CFAP47: variants seen among roughly 807,000 people sequenced by gnomAD.
CFAP47 encodes cilia- and flagella-associated protein 47.
Under a neutral mutation model 148.1 loss-of-function variants are expected in CFAP47, and 29 were observed. The observed-to-expected ratio is 0.20, with a 90% CI of 0.15 to 0.27. CFAP47 has a LOEUF of 0.27. Among genes scored for constraint, CFAP47 ranks in the 10% least tolerant of loss-of-function variants. The pLI, the probability that CFAP47 is intolerant of heterozygous loss-of-function variation, is 1.00. For synonymous variants in CFAP47, 664 were observed against 577.3 expected, an observed-to-expected ratio of 1.15 and a Z score of -2.15; for missense variants, 1,872 against 1,697.5, an observed-to-expected ratio of 1.10 and a Z score of -1.81.
chrX:36,162,004 ATGAC>A (rs1939437186), intron 39 of CFAP47, among the ~76,000 whole-genome samples: 1 of 112,292 alleles, frequency 8.9e-6, no homozygotes, highest in African/African-American at 3.2e-5. Flanking sequence ...AGTAGACCAA[ATGAC>A]TGACTGCAGT....
chrX:36,060,503 C>T (rs151315245), intron 26 of CFAP47, among the ~76,000 whole-genome samples: 2 of 111,635 alleles, frequency 1.8e-5, no homozygotes, highest in East Asian at 5.7e-4. Flanking sequence ...AGGCATACTA[C>T]CAATGAGATG....
chrX:36,216,103 A>G (rs1555990144), intron 45 of CFAP47, among the ~76,000 whole-genome samples: 1 of 111,747 alleles, frequency 8.9e-6, no homozygotes. Context: ...GCGGTCAGAC[A>G]CTCAGCAGGA....
chrX:36,134,375 G>T (rs1359924834), intron 33 of CFAP47, among the ~76,000 whole-genome samples: 1 of 111,195 alleles, frequency 9.0e-6, no homozygotes, highest in African/African-American at 3.3e-5. Context: ...AAAGGCGGAA[G>T]AAATTCTGAA....
At chrX:36,199,680 T>C (rs1555987694) in intron 42 of CFAP47, among the ~76,000 whole-genome samples, 1 of 111,643 alleles carries the variant, frequency 9.0e-6, no homozygotes, top group Non-Finnish European at 1.9e-5. Context: ...GGCTATACAT[T>C]GTTTGAACTA....
intron 2 of CFAP47, among the ~76,000 whole-genome samples, chrX:35,927,488 T>G (rs954767775): frequency 9.0e-6 from 1 of 111,042 alleles, no homozygotes; most frequent in African/African-American, 3.3e-5. Context: ...ATTTTTTTCT[T>G]GTTTCCAGAG....
intron 57 of CFAP47, among the ~76,000 whole-genome samples, chrX:36,347,034 A>C (rs1334471953): frequency 8.0e-5 from 9 of 112,199 alleles, no homozygotes; most frequent in African/African-American, 2.9e-4. Context: ...TTTGCAATCT[A>C]TCCATCTGAC....
In CFAP47 at chrX:35,974,263, G is replaced by A. The variant is rs778913326; in HGVS notation, c.2255-884G>A. ...GGCATCTGGGCTGACTGTGAGTTAG[G>A]AGAACAAGTGAAAACTCCTTTTTAA... is the stretch of plus-strand genomic sequence containing the variant. On this transcript the variant is annotated intron_variant, in intron 13 of 63. Transcript: ENST00000378653. 2.7e-5 allele frequency among the ~76,000 whole-genome samples: 3 copies of A among 111,880 alleles called. No individual in the cohort carries two copies. The Admixed American group carries it at 2.8e-4, about 11-fold the overall frequency.
At chrX:36,123,095 T>C (rs1444874292) in intron 33 of CFAP47, among the ~76,000 whole-genome samples, 1 of 112,046 alleles carries the variant, frequency 8.9e-6, no homozygotes, top group African/African-American at 3.2e-5. Flanking sequence ...TCCAGAGGAA[T>C]TTTCTGGATT....
chrX:36,040,602 T>G (rs1937392009), intron 25 of CFAP47, among the ~76,000 whole-genome samples: 1 of 111,306 alleles, frequency 9.0e-6, no homozygotes, highest in Non-Finnish European at 1.9e-5. Context: ...TAGACTATGT[T>G]CTCCAAAAAT....
At chrX:36,009,237 T>C (rs1937013247) in intron 21 of CFAP47, among the ~76,000 whole-genome samples, 1 of 110,885 alleles carries the variant, frequency 9.0e-6, no homozygotes, top group Non-Finnish European at 1.9e-5. Context: ...GTCCATATTA[T>C]TAATATATAA....
intron 61 of CFAP47, among the ~76,000 whole-genome samples, chrX:36,362,068 A>G (rs1010189388): frequency 8.9e-6 from 1 of 112,191 alleles, no homozygotes; most frequent in African/African-American, 3.2e-5. Context: ...CAAACACTAT[A>G]TGATATTTCA....
rs1940297338 is a variant in CFAP47 at position 36,228,503 on chromosome X, T to G, written c.6818-125T>G. The G allele has an allele frequency of 9.0e-6, 4 of 445,833 alleles. No individual in the cohort carries two copies. The South Asian group carries it at 1.4e-4, about 15-fold the overall frequency. The allele number at this position is 445,833 out of a possible 1,213,427, so 36.7% of individuals were successfully genotyped here. On this transcript the variant is annotated intron_variant, in intron 45 of 63. Coordinates refer to ENST00000378653, the MANE Select transcript of CFAP47 (RefSeq NM_001304548.2). ...CTGGAGATTTAGAAGTATTGTGTTA[T>G]CCCAGTGAAACCTATTCTAGGTTAT...
intron 26 of CFAP47, among the ~76,000 whole-genome samples, chrX:36,065,046 A>G (rs767883999): frequency 2.3e-4 from 26 of 112,171 alleles, no homozygotes; most frequent in Non-Finnish European, 4.7e-4. Context: ...ACTGATATAT[A>G]AGAGATTTGG....
At chrX:36,237,475 A>T (rs1940483780) in intron 48 of CFAP47, among the ~76,000 whole-genome samples, 1 of 111,175 alleles carries the variant, frequency 9.0e-6, no homozygotes. Flanking sequence ...GATTATAGGC[A>T]TGTGCCACCA....
intron 27 of CFAP47, among the ~76,000 whole-genome samples, chrX:36,067,742 A>G (rs1937664717): frequency 9.5e-6 from 1 of 104,962 alleles, no homozygotes; most frequent in Non-Finnish European, 1.9e-5. Flanking sequence ...GGCTCACTGC[A>G]AGCTCCGCCT....
At chrX:36,264,946 A>G (rs939422103) in intron 49 of CFAP47, among the ~76,000 whole-genome samples, 1 of 112,127 alleles carries the variant, frequency 8.9e-6, no homozygotes. Context: ...AATTCTGTGA[A>G]AAATGTTGTT....
intron 1 of CFAP47, among the ~76,000 whole-genome samples, chrX:35,924,519 G>GCACC (rs1935700154): frequency 4.0e-5 from 4 of 100,109 alleles, no homozygotes; most frequent in Non-Finnish European, 7.9e-5. Context: ...ACATATATGT[G>GCACC]TATATATGCA....
chrX:35,975,989 T>C (rs1016220104), intron 15 of CFAP47, 76 bp downstream of exon 15: 1 of 1,046,479 alleles, frequency 9.6e-7, no homozygotes. Context: ...AATTATTTAT[T>C]GAGTGTGTAC....
chrX:36,051,984 G>A lies in CFAP47; in HGVS notation c.4217+4921G>A, dbSNP rs952654958. On this transcript the variant is annotated intron_variant, in intron 26 of 63. Transcript: ENST00000378653. The stretch of plus-strand genomic sequence containing the variant: ...TCTTGCACACACTCTCTTGCCTGCC[G>A]CCATGTGAGATGTGTTTTGCTTCTC... Among the ~76,000 whole-genome samples the A allele has an allele frequency of 1.3e-4, 14 of 111,468 alleles. No individual in the cohort carries two copies. In the South Asian group the frequency reaches 1.5e-3, roughly 12 times the overall value.
Sources: allele counts gnomAD v4.1 joint callset (sites outside exome capture counted in the v4.1 genomes callset), GRCh38; gene constraint gnomAD v4.1.1; transcripts MANE v1.5; gene names NCBI Gene and HGNC (gene_info 2026-07-23, HGNC 2026-07-21).